Variants in WDR41 observed in about 807,000 individuals in gnomAD.
WDR41 encodes WD repeat domain 41, also known as WD repeat-containing protein 41.
Under a neutral mutation model 69.3 loss-of-function variants are expected in WDR41, and 63 were observed. The ratio of observed to expected loss-of-function variants is 0.91; its 90% confidence interval spans 0.74 to 1.12. The LOEUF (loss-of-function observed/expected upper bound fraction) is 1.12. Among genes scored for constraint, WDR41 ranks in the 50% most tolerant of loss-of-function variants. The pLI is 0.00. For missense variants in WDR41, 543 were observed against 534.5 expected (o/e 1.02, Z -0.16); for synonymous variants, 185 against 192.1 (o/e 0.96, Z 0.31).
At chr5:77,483,855 T>C (rs1042271608) in intron 2 of WDR41, among the ~76,000 whole-genome samples, 1 of 152,190 alleles carries the variant, frequency 6.6e-6, no homozygotes, top group African/African-American at 2.4e-5. Flanking sequence ...GTGAGTTCTC[T>C]TTTTTAAGTA....
intron 1 of WDR41, among the ~76,000 whole-genome samples, chr5:77,533,453 T>TA (rs1473935229): frequency 4.6e-5 from 7 of 152,350 alleles, no homozygotes; most frequent in African/African-American, 1.7e-4. Flanking sequence ...CTATGCCCTT[T>TA]ATGTAATGTA....
At position 77,618,018 on chromosome 5, in the gene WDR41, G is replaced by A. The variant is rs183734511; in HGVS notation, c.42+2461C>T. On this transcript the variant is annotated intron_variant, in intron 1 of 5. Coordinates refer to the WDR41 transcript ENST00000509971. ...AGAAGGGAAAAGAAAGCTTGTAAAT[G>A]AGAATAAGAGAGCTAATGAGGAATA... Among the ~76,000 whole-genome samples the A allele has an allele frequency of 2.6e-5, 4 of 152,300 alleles. No individual in the cohort carries two copies. The East Asian group carries it at 7.7e-4, about 29-fold the overall frequency.
intron 2 of WDR41, among the ~76,000 whole-genome samples, chr5:77,488,471 C>G (rs1581764071): frequency 7.1e-6 from 1 of 141,530 alleles, no homozygotes; most frequent in Non-Finnish European, 1.5e-5. Flanking sequence ...AAAAAAAAAG[C>G]AGAGAAAAGA....
chr5:77,476,908 T>C (rs372096008), intron 2 of WDR41, among the ~76,000 whole-genome samples: 16,062 of 138,832 alleles, frequency 0.12, 1,276 homozygotes, highest in African/African-American at 0.21. Context: ...GACCCATCAG[T>C]GTGCTGTATT....
chr5:77,486,261 G>A (rs1460043151), intron 2 of WDR41, among the ~76,000 whole-genome samples: 3 of 152,068 alleles, frequency 2.0e-5, no homozygotes, highest in African/African-American at 7.2e-5. Flanking sequence ...GCAAATGACC[G>A]AAAAACTTCA....
At chr5:77,499,986 C>T (rs1234560784) in intron 1 of WDR41, among the ~76,000 whole-genome samples, 1 of 152,098 alleles carries the variant, frequency 6.6e-6, no homozygotes, top group African/African-American at 2.4e-5. Context: ...CAACAGTCTC[C>T]ACAGGACTTA....
In WDR41 at chr5:77,460,358, CA is replaced by C. The variant is rs764289734; in HGVS notation, c.349-1235del. ...ATAACACACTAAAACTGCTAGCATACAAAAAATGCTCCCAGTAATTAGGAAA... is the reference window on the plus strand; with the variant it reads ...ATAACACACTAAAACTGCTAGCATACAAAAATGCTCCCAGTAATTAGGAAA... On this transcript the variant is annotated intron_variant, in intron 4 of 12. Transcript: ENST00000296679. Among the ~76,000 whole-genome samples the C allele has an allele frequency of 5.3e-5, 8 of 152,234 alleles. No individual in the cohort carries two copies. The East Asian group carries it at 1.5e-3, about 29-fold the overall frequency.
intron 2 of WDR41, among the ~76,000 whole-genome samples, chr5:77,475,830 T>A (rs1167776697): frequency 2.0e-5 from 3 of 152,118 alleles, no homozygotes; most frequent in Non-Finnish European, 1.5e-5. Flanking sequence ...AGAATGACTT[T>A]GACAAGCTGA....
chr5:77,603,589 C>A (rs146100472), intron 1 of WDR41, among the ~76,000 whole-genome samples: 2,075 of 152,236 alleles, frequency 0.014, 109 homozygotes, highest in Admixed American at 0.089. Flanking sequence ...TAATATAGTT[C>A]TATTTGTCTA....
At chr5:77,452,335 C>G (rs536102343) in intron 6 of WDR41, 1 of 152,312 alleles carries the variant, frequency 6.6e-6, no homozygotes, top group African/African-American at 2.4e-5. Context: ...CAGAAAACAG[C>G]TTGTTTAAAA....
In WDR41 at chr5:77,578,074, C is replaced by A. The variant is rs532451186; in HGVS notation, c.42+42405G>T. On this transcript the variant is annotated intron_variant, in intron 1 of 5. Transcript: ENST00000509971. ...TGCAAGAGTATCATATTGCAAATCG[C>A]TAACCCGAAAAAAGATCAAAATTCA... Among the ~76,000 whole-genome samples, 41 of 152,164 alleles carry A rather than the reference C, an allele frequency of 2.7e-4. 1 individual carries two copies. The highest frequency in any genetic ancestry group is 5.0e-4 in the Non-Finnish European group (34 of 68,036).
At chr5:77,564,223 G>C (rs890955948) in intron 1 of WDR41, among the ~76,000 whole-genome samples, 2 of 152,016 alleles carry the variant, frequency 1.3e-5, no homozygotes, top group Non-Finnish European at 2.9e-5. Flanking sequence ...TCCTTGCACC[G>C]GAACCACTGA....
chr5:77,589,123 A>G (rs1744091396), intron 1 of WDR41, among the ~76,000 whole-genome samples: 1 of 152,216 alleles, frequency 6.6e-6, no homozygotes, highest in Non-Finnish European at 1.5e-5. Flanking sequence ...TCAATGCTAT[A>G]CAAATGTCCT....
chr5:77,593,403 A>T (rs1407122810), intron 1 of WDR41, among the ~76,000 whole-genome samples: 8 of 152,156 alleles, frequency 5.3e-5, no homozygotes, highest in Non-Finnish European at 1.2e-4. Flanking sequence ...CAAGTAATAA[A>T]CTATGGCAGC....
chr5:77,575,235 A>C (rs998687163), intron 1 of WDR41, among the ~76,000 whole-genome samples: 1 of 152,214 alleles, frequency 6.6e-6, no homozygotes, highest in Non-Finnish European at 1.5e-5. Context: ...TTCTGAAAGA[A>C]AAAGAGGAAA....
At chr5:77,520,442 T>G (rs1354781259) in intron 1 of WDR41, among the ~76,000 whole-genome samples, 3 of 152,278 alleles carry the variant, frequency 2.0e-5, no homozygotes, top group Non-Finnish European at 1.5e-5. Flanking sequence ...AACCAAATCA[T>G]CAAGAAATGA....
At chr5:77,451,459 A>T (rs963324279) in intron 6 of WDR41, 106 bp from the exon 7 acceptor site, 6 of 996,990 alleles carry the variant, frequency 6.0e-6, no homozygotes, top group Middle Eastern at 3.1e-4. Flanking sequence ...AAGAAGATAA[A>T]GCACACAGAA....
intron 2 of WDR41, among the ~76,000 whole-genome samples, chr5:77,476,298 A>G (rs400609): frequency 0.62 from 93,258 of 149,654 alleles, 30,569 homozygotes; most frequent in African/African-American, 0.83. Flanking sequence ...GCAGGCCAAC[A>G]TTCAGATTCA....
At chr5:77,502,131 TA>T (rs1336933530) in intron 1 of WDR41, among the ~76,000 whole-genome samples, 1 of 152,138 alleles carries the variant, frequency 6.6e-6, no homozygotes, top group Non-Finnish European at 1.5e-5. Flanking sequence ...GAAGAAAGGT[TA>T]GATGAATGGC....
Sources: gnomAD v4.1 joint callset for allele counts (sites outside exome capture counted in the v4.1 genomes callset) on GRCh38, gnomAD v4.1.1 for gene constraint, MANE v1.5 for transcripts, NCBI Gene and HGNC (gene_info 2026-07-23, HGNC 2026-07-21) for gene names.